Variants in PARP14 observed in about 807,000 individuals in gnomAD.
PARP14 encodes poly(ADP-ribose) polymerase family member 14, also known as protein mono-ADP-ribosyltransferase PARP14.
A neutral mutation model predicts 154.2 loss-of-function variants in PARP14; 59 were observed. The observed-to-expected ratio is 0.38, with a 90% CI of 0.31 to 0.48. The LOEUF is 0.48. PARP14 is among the 20% of genes least tolerant of loss of function. The pLI, the probability that PARP14 is intolerant of heterozygous loss-of-function variation, is 0.98. For synonymous variants in PARP14, 720 were observed against 780.5 expected (o/e 0.92, Z 1.29); for missense variants, 1,734 against 2,131.6 (o/e 0.81, Z 3.67).
intron 5 of PARP14, 126 bp from the exon 6 acceptor site, chr3:122,699,264 A>G: frequency 3.5e-6 from 2 of 566,050 alleles, no homozygotes; most frequent in Non-Finnish European, 6.1e-6. Context: ...ACATTGTTTT[A>G]TTTCTTTCCT....
Position 122,687,116 on chromosome 3 carries a change from A to G in PARP14, c.355+3A>G, listed in dbSNP as rs375101764. ...CAAAGAAGATGTTAAAGAACCAGGT[A>G]AAATCTCAGTTGAGATGACTCTGAC... On this transcript the variant is annotated splice_donor_region_variant and intron_variant, in intron 3 of 16. Coordinates refer to ENST00000474629, the MANE Select transcript of PARP14 (RefSeq NM_017554.3). 1.6e-5 allele frequency: 25 copies of G among 1,593,078 alleles called. No individual in the cohort carries two copies. The highest frequency in any genetic ancestry group is 1.7e-4 in the Middle Eastern group (1 of 6,038).
chr3:122,717,950 A>G (rs890863489), intron 12 of PARP14, 121 bp from the exon 13 acceptor site: 1 of 731,132 alleles, frequency 1.4e-6, no homozygotes, highest in Non-Finnish European at 2.3e-6. Context: ...AAAATTCCAC[A>G]ATGATGAAAG....
Position 122,700,251 on chromosome 3 carries a change from C to T in PARP14, c.1697C>T (p.Ala566Val), listed in dbSNP as rs970470141. The change falls in exon 6 of 17, where the codon GCA becomes GTA. Residue 566 changes from alanine (A) to valine (V), a missense_variant. Ala to Val is a moderately conservative substitution (Grantham distance 64). Transcript: ENST00000474629. ...KCLFIAQKIL[A>V]LYELEGTTVL... ...CTTTTCATAGCACAGAAGATTCTTG[C>T]ACTTTATGAGCTAGAGGGTACAACT... The T allele has an allele frequency of 6.2e-7, 1 of 1,612,560 alleles. No individual in the cohort carries two copies. The highest frequency in any genetic ancestry group is 8.5e-7 in the Non-Finnish European group (1 of 1,179,074).
At chr3:122,699,359 G>T (rs1353571097) in intron 5 of PARP14, 31 bp from the exon 6 acceptor site, 5 of 1,395,196 alleles carry the variant, frequency 3.6e-6, no homozygotes, top group Non-Finnish European at 4.9e-6. Flanking sequence ...ATCATCCTGG[G>T]CTTACATTAT....
intron 8 of PARP14, among the ~76,000 whole-genome samples, chr3:122,706,565 T>G (rs1939156944): frequency 6.6e-6 from 1 of 152,142 alleles, no homozygotes; most frequent in African/African-American, 2.4e-5. Context: ...ACAGGAAGTT[T>G]TCCATGGCTG....
rs1167372078 is a variant in PARP14, at chr3:122,701,302, A to G, written c.2748A>G (p.Ile916Met). 1.2e-6 allele frequency: 2 copies of G among 1,613,900 alleles called. No homozygotes were observed. The highest frequency in any genetic ancestry group is 2.7e-5 in the African/African-American group (2 of 74,932). The change falls in exon 6 of 17, where the codon ATA becomes ATG. Residue 916 changes from isoleucine (I) to methionine (M), a missense_variant. Ile to Met is a conservative substitution (Grantham distance 10). Around this residue, in one of 2 missense-constraint regions of PARP14, gnomAD observed 1,646 missense variants for 1,976.0 expected, o/e 0.83. Transcript: ENST00000474629. This position sits in a 1 kb window ranked among gnomAD's most constrained non-coding sequence, Gnocchi z 4.0. ...CCGAAAAATACAAGTACCGATCCAT[A>G]GCCATCCCAGCTATTAGTTCTGGAG... ...CLAEKYKYRS[I>M]AIPAISSGVF... is the part of the protein sequence containing the mutation.
chr3:122,717,979 T>C, intron 12 of PARP14, 92 bp from the exon 13 acceptor site: 1 of 922,384 alleles, frequency 1.1e-6, no homozygotes, highest in South Asian at 1.5e-5. Flanking sequence ...AGTGGGCATT[T>C]ATTCTCTGAG....
rs773607878 is a variant in PARP14, at chr3:122,701,056, C to A, written c.2502C>A (p.Ala834=). The stretch of plus-strand genomic sequence containing the variant: ...ACCTTAAGCATTATGGTGGCCTGGC[C>A]GCTGCGCTCTCAAAAGCAGCTGGCC... ...NEDLKHYGGL[A]AALSKAAGPE... The change falls in exon 6 of 17, where the codon GCC becomes GCA. Residue 834 remains alanine (A), a synonymous_variant. Transcript: ENST00000474629. This position sits in a 1 kb window ranked among gnomAD's most constrained non-coding sequence, Gnocchi z 4.0. 1.2e-6 allele frequency: 2 copies of A among 1,613,990 alleles called. No individual in the cohort carries two copies. The highest frequency in any genetic ancestry group is 1.7e-6 in the Non-Finnish European group (2 of 1,179,890).
chr3:122,708,232 G>A lies in PARP14; in HGVS notation c.3583G>A (p.Val1195Ile), dbSNP rs1033025049. 1.1e-5 allele frequency: 17 copies of A among 1,575,612 alleles called. No individual in the cohort carries two copies. The highest frequency in any genetic ancestry group is 4.7e-5 in the South Asian group (4 of 85,808). The change falls in exon 9 of 17, where the codon GTC (valine) becomes ATC (isoleucine). Residue 1195 changes from valine (V) to isoleucine (I), a missense_variant. Physicochemically the swap from Val to Ile is conservative, Grantham distance 29. Around this residue, in one of 2 missense-constraint regions of PARP14, gnomAD observed 1,646 missense variants for 1,976.0 expected, o/e 0.83. Coordinates refer to ENST00000474629, the MANE Select transcript of PARP14 (RefSeq NM_017554.3). Reference sequence around the variant, plus strand: ...TGCCAGAAGGGCTAATGGAAATCTCGTCAGTGACAAAATTCCGAAGGCTAA... The same window carrying A: ...TGCCAGAAGGGCTAATGGAAATCTCATCAGTGACAAAATTCCGAAGGCTAA... ...EFARRANGNL[V>I]SDKIPKAKDT...
chr3:122,718,999 C>G, intron 14 of PARP14, 41 bp downstream of exon 14: 1 of 1,482,976 alleles, frequency 6.7e-7, no homozygotes, highest in South Asian at 1.4e-5. Context: ...TATTTCACAT[C>G]TACTTTGGGC....
rs778464011 is a variant in PARP14, at chr3:122,718,537, G to C, written c.4386G>C (p.Glu1462Asp). ...KEQCPYTSED[E>D]CIKDFDEKEY... ...AGTGTCCTTACACCAGTGAAGATGA[G>C]TGCATCAAAGACTTTGATGAAAAGG... Residue 1462 changes from glutamate to aspartate, a missense_variant, in exon 14 of 17, where the codon GAG becomes GAC. Physicochemically the swap from Glu to Asp is conservative, Grantham distance 45 (BLOSUM62 2). This residue lies in a region of PARP14 where 1,646 missense variants were observed against 1,976.0 expected (regional missense o/e 0.83). Transcript: ENST00000474629. The C allele has an allele frequency of 1.2e-6, 2 of 1,613,152 alleles. No individual in the cohort carries two copies. The highest frequency in any genetic ancestry group is 1.7e-6 in the Non-Finnish European group (2 of 1,179,112).
intron 3 of PARP14, among the ~76,000 whole-genome samples, chr3:122,690,265 TCA>T (rs1432421650): frequency 6.6e-6 from 1 of 152,214 alleles, no homozygotes; most frequent in African/African-American, 2.4e-5. Flanking sequence ...ATGCCCAAGG[TCA>T]CATGGCTAAA....
At position 122,713,556 on chromosome 3, in the gene PARP14, C is replaced by T; in HGVS notation, c.3752C>T (p.Ser1251Leu). 6.2e-7 allele frequency: 1 copy of T among 1,613,510 alleles called. No individual in the cohort carries two copies. The highest frequency in any genetic ancestry group is 8.5e-7 in the Non-Finnish European group (1 of 1,179,510). ...ADVIVNSTSN[S>L]FNLKAGVSKA... ...GTGATTGTAAATTCAACATCAAACT[C>T]ATTCAATCTCAAAGCAGGTACTTGT... Residue 1251 changes from serine to leucine, a missense_variant, in exon 10 of 17, where the codon TCA (serine) becomes TTA (leucine). Ser to Leu is a moderately radical substitution (Grantham distance 145, BLOSUM62 -2). Around this residue, in one of 2 missense-constraint regions of PARP14, gnomAD observed 1,646 missense variants for 1,976.0 expected, o/e 0.83. Coordinates refer to ENST00000474629, the MANE Select transcript of PARP14 (RefSeq NM_017554.3).
At position 122,701,263 on chromosome 3, in the gene PARP14, C is replaced by T; in HGVS notation, c.2709C>T (p.Leu903=). The T allele has an allele frequency of 6.2e-7, 1 of 1,613,912 alleles. No individual in the cohort carries two copies. Among genetic ancestry groups the T allele is most frequent in the Non-Finnish European group, 8.5e-7 (1 of 1,179,830 alleles). Residue 903 remains leucine, a synonymous_variant, in exon 6 of 17, where the codon CTC becomes CTT. Coordinates refer to ENST00000474629, the MANE Select transcript of PARP14 (RefSeq NM_017554.3). The surrounding 1 kb of genome is among the most constrained non-coding windows in gnomAD (Gnocchi z 4.0). The part of the protein sequence containing the change: ...CVYLLRRAVQ[L]SLCLAEKYKY... ...ACCTATTAAGGAGAGCTGTGCAACT[C>T]AGTCTCTGTCTAGCCGAAAAATACA... is the stretch of plus-strand genomic sequence containing the variant.
intron 9 of PARP14, among the ~76,000 whole-genome samples, chr3:122,710,771 G>T (rs1451071683): frequency 6.6e-6 from 1 of 150,508 alleles, no homozygotes; most frequent in East Asian, 1.9e-4. Context: ...CACCTCCTTG[G>T]TTAAGTATAT....
chr3:122,719,446 T>A (rs1381100266), intron 14 of PARP14, among the ~76,000 whole-genome samples: 1 of 152,186 alleles, frequency 6.6e-6, no homozygotes, highest in Admixed American at 6.5e-5. Flanking sequence ...TAGTCACCTC[T>A]GCCAAGAGCA....
Position 122,718,451 on chromosome 3 carries a change from G to A in PARP14, c.4300G>A (p.Glu1434Lys), listed in dbSNP as rs1401120235. ...TESATFRVCG[E>K]NVTCVEYAIS... is the part of the protein sequence containing the mutation. The stretch of plus-strand genomic sequence containing the variant: ...ATCAGCAACTTTTCGGGTGTGTGGT[G>A]AAAATGTCACGTGTGTGGAATATGC... Residue 1434 changes from glutamate (E) to lysine (K), a missense_variant, in exon 14 of 17, where the codon GAA becomes AAA. Glu to Lys is a moderately conservative substitution (Grantham distance 56). Coordinates refer to ENST00000474629, the MANE Select transcript of PARP14 (RefSeq NM_017554.3). The A allele has an allele frequency of 2.5e-6, 4 of 1,613,824 alleles. No individual in the cohort carries two copies. The highest frequency in any genetic ancestry group is 2.5e-6 in the Non-Finnish European group (3 of 1,179,850).
Position 122,728,573 on chromosome 3 carries a change from G to T in PARP14, c.5382G>T (p.Glu1794Asp), listed in dbSNP as rs1490566369. The T allele has an allele frequency of 1.2e-6, 2 of 1,612,750 alleles. No individual in the cohort carries two copies. Residue 1794 changes from glutamate (E) to aspartate (D), a missense_variant, in exon 17 of 17, where the codon GAG becomes GAT. Coordinates refer to ENST00000474629, the MANE Select transcript of PARP14 (RefSeq NM_017554.3). ...VAFYDYQAYP[E>D]YLITFRK ...TTTATGACTACCAAGCATACCCAGA[G>T]TACCTTATTACGTTTAGAAAATAAC...
rs3732832 is a variant in PARP14 at position 122,728,727 on chromosome 3, A to C, written c.*130A>C. On this transcript the variant is annotated 3_prime_UTR_variant, in exon 17 of 17. Coordinates refer to ENST00000474629, the MANE Select transcript of PARP14 (RefSeq NM_017554.3). ...ATCCAAGGATCATTCTTTGTCGCTG[A>C]AGTCAGTCTTTCTTCAGCTTCCCTT... The C allele has an allele frequency of 0.49, 336,579 of 686,250 alleles. 86,242 individuals are homozygous for C. Among genetic ancestry groups the C allele is most frequent in the South Asian group, 0.54 (28,167 of 52,290 alleles). The allele number at this position is 686,250 out of a possible 1,614,324, so 42.5% of individuals were successfully genotyped here. A position where few individuals can be genotyped will look rare whatever the true frequency, so the allele number is the denominator to read the frequency against.
Sources: gnomAD v4.1 joint callset for allele counts (sites outside exome capture counted in the v4.1 genomes callset) on GRCh38, gnomAD v4.1.1 for gene constraint, gnomAD v4.1.1 regional missense constraint, Gnocchi (gnomAD v3.1) non-coding constraint, MANE v1.5 for transcripts, NCBI Gene and HGNC (gene_info 2026-07-23, HGNC 2026-07-21) for gene names.